Variants in MAP3K3 observed in about 807,000 individuals in gnomAD.
The protein encoded by MAP3K3 is mitogen-activated protein kinase kinase kinase 3.
In MAP3K3, 12 loss-of-function variants were observed where a neutral mutation model predicts 80.9. The ratio of observed to expected loss-of-function variants is 0.15; its 90% CI spans 0.10 to 0.24. The LOEUF (loss-of-function observed/expected upper bound fraction) is 0.24, where lower values mean the gene tolerates loss of function less well. Among genes scored for constraint, MAP3K3 ranks in the 10% least tolerant of loss-of-function variants. The probability of loss-of-function intolerance (pLI) is 1.00; values close to 1 mark genes in which losing one functional copy is unlikely to be tolerated. For missense variants in MAP3K3, 596 were observed against 834.7 expected (o/e 0.71, Z 3.52); for synonymous variants, 272 against 307.1 (o/e 0.89, Z 1.19).
intron 6 of MAP3K3, among the ~76,000 whole-genome samples, chr17:63,679,016 A>C (rs532320211): frequency 6.6e-6 from 1 of 152,178 alleles, no homozygotes; most frequent in Admixed American, 6.5e-5. Flanking sequence ...GCAACAGAGC[A>C]AGACTCCGTC....
chr17:63,650,925 A>G (rs1046879238), intron 3 of MAP3K3, among the ~76,000 whole-genome samples: 1 of 152,026 alleles, frequency 6.6e-6, no homozygotes, highest in Non-Finnish European at 1.5e-5. Context: ...TTGAGCTCCT[A>G]GCCTCAAGCG....
rs2035218530 is a variant in MAP3K3, at chr17:63,676,312, G to A, written c.503-5454G>A. On this transcript the variant is annotated intron_variant, in intron 6 of 15. Transcript: ENST00000361733. The stretch of plus-strand genomic sequence containing the variant: ...CCTGTGAGCTAGTCCCATCCCACCT[G>A]TAAAACCAGGGGAGAGTTCAGTGCA... Among the ~76,000 whole-genome samples the A allele has an allele frequency of 2.0e-5, 3 of 152,326 alleles. No homozygotes were observed. In the South Asian group the frequency reaches 6.2e-4, roughly 32 times the overall value.
chr17:63,646,090 G>A lies in MAP3K3; in HGVS notation c.167+16G>A. 2 of 1,613,034 alleles carry A rather than the reference G, an allele frequency of 1.2e-6. No individual in the cohort carries two copies. Among genetic ancestry groups the A allele is most frequent in the Non-Finnish European group, 1.7e-6 (2 of 1,179,070 alleles). On this transcript the variant is annotated intron_variant, in intron 3 of 15. Coordinates refer to ENST00000361733, the MANE Select transcript of MAP3K3 (RefSeq NM_002401.5). ...GGGAGAGGCGGTAAGTCTGCCTTCT[G>A]ATGAGTAGCTGTGTTCATGTATGCC...
intron 6 of MAP3K3, among the ~76,000 whole-genome samples, chr17:63,675,264 AG>A (rs1448276984): frequency 2.2e-5 from 3 of 138,330 alleles, no homozygotes; most frequent in Non-Finnish European, 4.8e-5. Context: ...CTATTGAGAA[AG>A]AAAAAAAGTT....
intron 6 of MAP3K3, among the ~76,000 whole-genome samples, chr17:63,669,180 AT>A (rs1409030546): frequency 6.6e-6 from 1 of 152,280 alleles, no homozygotes; most frequent in Admixed American, 6.5e-5. Context: ...GATCTGGAAA[AT>A]GCATTCTGAG....
chr17:63,653,773 A>T (rs1284002543), intron 4 of MAP3K3, among the ~76,000 whole-genome samples: 1 of 152,184 alleles, frequency 6.6e-6, no homozygotes, highest in East Asian at 1.9e-4. Flanking sequence ...AGTTTTATTG[A>T]GATTAAAAAA....
Position 63,669,245 on chromosome 17 carries a change from A to G in MAP3K3, c.502+2185A>G, listed in dbSNP as rs150247501. ...ATTGTGGAGGATTTCCACAGGGGAC[A>G]AGGGGAGAGAGGAGAGGGCTTTTAG... is the stretch of plus-strand genomic sequence containing the variant. On this transcript the variant is annotated intron_variant, in intron 6 of 15. Coordinates refer to ENST00000361733, the MANE Select transcript of MAP3K3 (RefSeq NM_002401.5). Among the ~76,000 whole-genome samples, 886 of 152,222 alleles carry G rather than the reference A, an allele frequency of 5.8e-3. 6 individuals are homozygous for G. The highest frequency in any genetic ancestry group is 0.01 in the Middle Eastern group (3 of 294).
intron 2 of MAP3K3, among the ~76,000 whole-genome samples, chr17:63,642,967 A>G (rs1416017726): frequency 2.0e-5 from 3 of 151,672 alleles, no homozygotes; most frequent in Non-Finnish European, 4.4e-5. Context: ...CATGTCGCCC[A>G]GACTGATCTC....
intron 1 of MAP3K3, among the ~76,000 whole-genome samples, chr17:63,628,050 T>G (rs1475538831): frequency 2.6e-5 from 4 of 151,174 alleles, no homozygotes; most frequent in Non-Finnish European, 5.9e-5. Context: ...GGATTACAGG[T>G]GTGCACCACC....
At chr17:63,646,988 C>G (rs2034553145) in intron 3 of MAP3K3, among the ~76,000 whole-genome samples, 1 of 152,106 alleles carries the variant, frequency 6.6e-6, no homozygotes, top group Non-Finnish European at 1.5e-5. Context: ...AAGAGCATAC[C>G]CATTAGTATG....
chr17:63,693,002 A>G lies in MAP3K3; in HGVS notation c.1653-547A>G, dbSNP rs190481830. Among the ~76,000 whole-genome samples, 234 of 152,332 alleles carry G rather than the reference A, an allele frequency of 1.5e-3. No homozygotes were observed. Among genetic ancestry groups the G allele is most frequent in the Non-Finnish European group, 2.3e-3 (158 of 68,026 alleles). Reference sequence around the variant, plus strand: ...TAAGGGTCCTTACAGAAGGGTCTCAAGAGGTCAGAGTGGCTAATAGGAGGT... The same window carrying G: ...TAAGGGTCCTTACAGAAGGGTCTCAGGAGGTCAGAGTGGCTAATAGGAGGT... On this transcript the variant is annotated intron_variant, in intron 15 of 15. Coordinates refer to ENST00000361733, the MANE Select transcript of MAP3K3 (RefSeq NM_002401.5). This position sits in a 1 kb window ranked among gnomAD's most constrained non-coding sequence, Gnocchi z 4.2.
At chr17:63,645,993 T>G in intron 2 of MAP3K3, 41 bp from the exon 3 acceptor site, 2 of 1,574,916 alleles carry the variant, frequency 1.3e-6, no homozygotes, top group Non-Finnish European at 8.7e-7. Context: ...AGTGACACAT[T>G]CCAGAGAATT....
Position 63,689,435 on chromosome 17 carries a change from G to T in MAP3K3, c.872-109G>T, listed in dbSNP as rs1322470507. Reference sequence around the variant, plus strand: ...TATCTATCACTTCTGGCTGAGACCTGGTTTGTATATTCCGCCTTGTAGCCC... The same window carrying T: ...TATCTATCACTTCTGGCTGAGACCTTGTTTGTATATTCCGCCTTGTAGCCC... On this transcript the variant is annotated intron_variant, in intron 10 of 15. Transcript: ENST00000361733. This position sits in a 1 kb window ranked among gnomAD's most constrained non-coding sequence, Gnocchi z 4.3. 2.2e-6 allele frequency: 2 copies of T among 911,992 alleles called. No homozygotes were observed. Among genetic ancestry groups the T allele is most frequent in the South Asian group, 1.7e-5 (1 of 59,792 alleles). The allele number at this position is 911,992 out of a possible 1,614,324, so 56.5% of individuals were successfully genotyped here. A position where few individuals can be genotyped will look rare whatever the true frequency, so the allele number is the denominator to read the frequency against.
chr17:63,628,148 TGCC>T (rs2034141913), intron 1 of MAP3K3, among the ~76,000 whole-genome samples: 1 of 150,636 alleles, frequency 6.6e-6, no homozygotes, highest in Non-Finnish European at 1.5e-5. Flanking sequence ...TCAGGTGATC[TGCC>T]TGCCTCGGCC....
intron 2 of MAP3K3, among the ~76,000 whole-genome samples, chr17:63,639,091 G>T (rs959571216): frequency 1.3e-5 from 2 of 152,294 alleles, no homozygotes; most frequent in South Asian, 2.1e-4. Context: ...TTACTGGGAA[G>T]TGAGGACTAC....
rs148821588 is a variant in MAP3K3 at position 63,690,299 on chromosome 17, C to T, written c.1099C>T (p.Leu367Phe). 2.2e-5 allele frequency: 35 copies of T among 1,614,070 alleles called. No homozygotes were observed. The African/African-American group carries it at 4.7e-4, about 22-fold the overall frequency. The stretch of plus-strand genomic sequence containing the variant: ...CCCCATCAACTGGCGCCGGGGAAAG[C>T]TCCTGGGCCAGGGTGCCTTCGGCAG... ...SAPINWRRGK[L>F]LGQGAFGRVY... Residue 367 changes from leucine (L) to phenylalanine (F), a missense_variant, in exon 12 of 16, where the codon CTC becomes TTC. This residue lies in a region of MAP3K3 where 364 missense variants were observed against 588.9 expected (regional missense o/e 0.62). Coordinates refer to ENST00000361733, the MANE Select transcript of MAP3K3 (RefSeq NM_002401.5).
Position 63,694,455 on chromosome 17 carries a change from A to G in MAP3K3, c.*678A>G, listed in dbSNP as rs1282435537. 1 of 152,746 alleles carries G rather than the reference A, an allele frequency of 6.5e-6. No homozygotes were observed. Among genetic ancestry groups the G allele is most frequent in the Non-Finnish European group, 1.5e-5 (1 of 68,106 alleles). 9.5% of individuals were successfully genotyped at this position (152,746 alleles called of 1,614,324 possible). Reference sequence around the variant, plus strand: ...GGGCCCGCGATGTGGAACTGCTGCCACTGAGGGGGGATCCAGTTTTGTCAA... The same window carrying G: ...GGGCCCGCGATGTGGAACTGCTGCCGCTGAGGGGGGATCCAGTTTTGTCAA... On this transcript the variant is annotated 3_prime_UTR_variant, in exon 16 of 16. Coordinates refer to ENST00000361733, the MANE Select transcript of MAP3K3 (RefSeq NM_002401.5).
At chr17:63,624,508 A>G (rs1175361002) in intron 1 of MAP3K3, among the ~76,000 whole-genome samples, 1 of 152,236 alleles carries the variant, frequency 6.6e-6, no homozygotes, top group Non-Finnish European at 1.5e-5. Flanking sequence ...ACATTTTCAA[A>G]AAGTTTATAA....
At chr17:63,687,209 T>TG (rs200388532) in intron 8 of MAP3K3, among the ~76,000 whole-genome samples, 2,354 of 80,650 alleles carry the variant, frequency 0.029, 58 homozygotes, top group African/African-American at 0.15. Context: ...CTACTAAAAA[T>TG]GAAAAAAAAA....
Sources: allele counts gnomAD v4.1 joint callset (sites outside exome capture counted in the v4.1 genomes callset), GRCh38; gene constraint gnomAD v4.1.1; regional missense constraint gnomAD v4.1.1; non-coding constraint Gnocchi (gnomAD v3.1); transcripts MANE v1.5; gene names NCBI Gene and HGNC (gene_info 2026-07-23, HGNC 2026-07-21).